The following NINL variants were observed in gnomAD, a reference collection of about 807,000 sequenced individuals.
NINL encodes ninein like.
NINL carries 153 observed loss-of-function variants against 160.3 expected under a neutral mutation model. The observed-to-expected ratio is 0.95, with a 90% confidence interval of 0.84 to 1.09. The LOEUF (loss-of-function observed/expected upper bound fraction) is 1.09. Ranked by LOEUF, NINL falls within the 50% of genes least tolerant of loss-of-function variation. NINL has a pLI of 0.00. For synonymous variants in NINL, 800 were observed against 734.8 expected (o/e 1.09, Z -1.43); for missense variants, 1,829 against 1,764.0 (o/e 1.04, Z -0.66).
chr20:25,508,619 G>T (rs1307823223), intron 5 of NINL, among the ~76,000 whole-genome samples: 1 of 152,208 alleles, frequency 6.6e-6, no homozygotes, highest in Non-Finnish European at 1.5e-5. Flanking sequence ...CCTCCTACAA[G>T]GGGACACACG....
chr20:25,577,839 T>G (rs1189630852), intron 1 of NINL, among the ~76,000 whole-genome samples: 1 of 151,236 alleles, frequency 6.6e-6, no homozygotes, highest in Non-Finnish European at 1.5e-5. Context: ...TCTTTTCTTT[T>G]TTTTTTTTTT....
chr20:25,536,649 G>A (rs569988540), intron 1 of NINL, among the ~76,000 whole-genome samples: 1 of 152,236 alleles, frequency 6.6e-6, no homozygotes, highest in East Asian at 1.9e-4. Context: ...AGCCTGGGGG[G>A]CAGAGTTTTC....
intron 8 of NINL, 35 bp downstream of exon 8, chr20:25,500,805 C>A (rs762331777): frequency 1.3e-6 from 2 of 1,598,812 alleles, no homozygotes; most frequent in Non-Finnish European, 1.7e-6. Context: ...CCCCCCAGGT[C>A]CCCTGTCCAG....
intron 1 of NINL, among the ~76,000 whole-genome samples, chr20:25,527,894 G>T (rs2064387182): frequency 6.6e-6 from 1 of 152,094 alleles, no homozygotes; most frequent in Non-Finnish European, 1.5e-5. Flanking sequence ...TACAGACAAA[G>T]ATATGAGTTC....
At chr20:25,487,862 T>C (rs1016830016) in intron 13 of NINL, among the ~76,000 whole-genome samples, 1 of 152,332 alleles carries the variant, frequency 6.6e-6, no homozygotes, top group East Asian at 1.9e-4. Context: ...CATCAGCTCG[T>C]CTGCAAGGCG....
intron 18 of NINL, among the ~76,000 whole-genome samples, chr20:25,469,177 G>A (rs1456548749): frequency 7.2e-6 from 1 of 139,434 alleles, no homozygotes; most frequent in Non-Finnish European, 1.5e-5. Context: ...TCTCACTGGT[G>A]AGTGTCCCCT....
intron 16 of NINL, 56 bp from the exon 17 acceptor site, chr20:25,477,145 G>C (rs965816066): frequency 2.7e-6 from 4 of 1,467,870 alleles, no homozygotes; most frequent in African/African-American, 2.8e-5. Context: ...CCCCTCTCTC[G>C]GGTTTGAAGT....
At chr20:25,519,396 G>T (rs1395249813) in intron 2 of NINL, among the ~76,000 whole-genome samples, 2 of 151,950 alleles carry the variant, frequency 1.3e-5, no homozygotes, top group Admixed American at 6.6e-5. Flanking sequence ...ATTTCTTCTT[G>T]CAATTCTGAC....
intron 7 of NINL, among the ~76,000 whole-genome samples, chr20:25,502,565 C>T (rs1449952191): frequency 1.3e-5 from 2 of 152,298 alleles, no homozygotes; most frequent in East Asian, 3.9e-4. Context: ...TGTGTTCCTG[C>T]TCAAATCTCA....
intron 1 of NINL, among the ~76,000 whole-genome samples, chr20:25,583,278 G>GA (rs756021037): frequency 6.6e-6 from 1 of 151,586 alleles, no homozygotes. Flanking sequence ...AAATTTACAA[G>GA]AAAAAAACAA....
At chr20:25,544,464 CCTGA>C (rs1326971795) in intron 1 of NINL, among the ~76,000 whole-genome samples, 1 of 152,156 alleles carries the variant, frequency 6.6e-6, no homozygotes, top group African/African-American at 2.4e-5. Flanking sequence ...TTGCACGTGA[CCTGA>C]CTGTGACCTG....
chr20:25,490,107 C>T, intron 11 of NINL, 122 bp from the exon 12 acceptor site: 1 of 867,046 alleles, frequency 1.2e-6, no homozygotes, highest in Non-Finnish European at 1.9e-6. Context: ...CCACCCACCG[C>T]AGGCGAGGCA....
chr20:25,455,847 C>A (rs2090658863), intron 22 of NINL, 61 bp from the exon 23 acceptor site: 1 of 1,382,008 alleles, frequency 7.2e-7, no homozygotes, highest in African/African-American at 1.4e-5. Flanking sequence ...AATCCCAGCA[C>A]TTTGGGAGGC....
intron 2 of NINL, among the ~76,000 whole-genome samples, chr20:25,519,192 T>A (rs2064219375): frequency 6.6e-6 from 1 of 152,136 alleles, no homozygotes; most frequent in South Asian, 2.1e-4. Context: ...TTACCAAAGT[T>A]GAGTATTAAT....
intron 1 of NINL, among the ~76,000 whole-genome samples, chr20:25,531,768 G>C (rs559623625): frequency 6.6e-6 from 1 of 152,124 alleles, no homozygotes; most frequent in Non-Finnish European, 1.5e-5. Context: ...CCCAGACAGC[G>C]AGGCTTGGAG....
intron 13 of NINL, among the ~76,000 whole-genome samples, chr20:25,487,194 A>G (rs1283897185): frequency 6.6e-6 from 1 of 152,226 alleles, no homozygotes; most frequent in African/African-American, 2.4e-5. Context: ...ATGGTTGCCC[A>G]ACTTGAAAAT....
At chr20:25,478,242 C>T (rs968947954) in intron 16 of NINL, among the ~76,000 whole-genome samples, 1 of 152,212 alleles carries the variant, frequency 6.6e-6, no homozygotes, top group Non-Finnish European at 1.5e-5. Flanking sequence ...GCCACCGCAT[C>T]CGGCCGGAAA....
chr20:25,476,649 T>G lies in NINL; in HGVS notation c.2642A>C (p.Gln881Pro). 1 of 1,588,608 alleles carries G rather than the reference T, an allele frequency of 6.3e-7. No individual in the cohort carries two copies. Among genetic ancestry groups the G allele is most frequent in the Non-Finnish European group, 8.5e-7 (1 of 1,173,660 alleles). Residue 881 changes from glutamine (Q) to proline (P), a missense_variant, in exon 17 of 24, where the codon CAA becomes CCA. Physicochemically the swap from Gln to Pro is moderately conservative, Grantham distance 76. Coordinates refer to ENST00000278886, the MANE Select transcript of NINL (RefSeq NM_025176.6). ...CTGCGTAGCTTCTGTGTCCTGGGCT[T>G]GCCTGCGGCGAGGCCCGGCTCCTGC... ...EAAGAGPRRR[Q>P]AQDTEATQSP...
chr20:25,539,810 C>T (rs531230892), intron 1 of NINL, among the ~76,000 whole-genome samples: 79 of 152,370 alleles, frequency 5.2e-4, no homozygotes, highest in Admixed American at 2.9e-3. Flanking sequence ...TGTGTGAGGG[C>T]AGAGGCAAGG....
Sources: allele counts gnomAD v4.1 joint callset (sites outside exome capture counted in the v4.1 genomes callset), GRCh38; gene constraint gnomAD v4.1.1; transcripts MANE v1.5; gene names NCBI Gene and HGNC (gene_info 2026-07-23, HGNC 2026-07-21).